Variants in ZNF215 observed in about 807,000 individuals in gnomAD.
ZNF215 encodes the protein BWSCR2-associated zinc finger protein 2.
A neutral mutation model predicts 27.2 loss-of-function variants in ZNF215; 24 were observed. The observed-to-expected ratio is 0.88, with a 90% CI of 0.64 to 1.24. The LOEUF (loss-of-function observed/expected upper bound fraction) is 1.24. ZNF215 is among the 50% of genes most tolerant of loss of function. The probability of loss-of-function intolerance (pLI) is 0.00; values close to 1 mark genes in which losing one functional copy is unlikely to be tolerated. For missense variants in ZNF215, 675 were observed against 605.7 expected, an observed-to-expected ratio of 1.11 and a Z score of -1.20; for synonymous variants, 210 against 204.0, an observed-to-expected ratio of 1.03 and a Z score of -0.25.
At position 6,956,761 on chromosome 11, in the gene ZNF215, C is replaced by T. The variant is rs1850376670; in HGVS notation, c.*230C>T. 2 of 1,320,438 alleles carry T rather than the reference C, an allele frequency of 1.5e-6. No homozygotes were observed. The highest frequency in any genetic ancestry group is 9.6e-7 in the Non-Finnish European group (1 of 1,039,928). 81.8% of individuals were successfully genotyped at this position (1,320,438 alleles called of 1,614,324 possible). ...GCCATAAGGCTTTGGAGTTAAACCA[C>T]AGTATCACCATACAAGTATTTGTTT... On this transcript the variant is annotated 3_prime_UTR_variant, in exon 7 of 7. Coordinates refer to ENST00000278319, the MANE Select transcript of ZNF215 (RefSeq NM_013250.4).
chr11:6,988,262 G>A, downstream of ZNF215: 1 of 985,532 alleles, frequency 1.0e-6, no homozygotes, highest in African/African-American at 1.7e-5. Flanking sequence ...AAGCACTGCA[G>A]GAGAAGATGG....
downstream of ZNF215, among the ~76,000 whole-genome samples, chr11:6,993,496 G>A (rs1038163490): frequency 6.6e-6 from 1 of 151,562 alleles, no homozygotes; most frequent in African/African-American, 2.4e-5. Flanking sequence ...TTTCTATTAT[G>A]GGAGATGGAA....
At chr11:6,988,724 A>C (rs1365849951), downstream of ZNF215, 1 of 152,194 alleles carries the variant, frequency 6.6e-6, no homozygotes, top group Non-Finnish European at 1.5e-5. Context: ...CAAACACAAA[A>C]TCATTAGGCT....
intron 3 of ZNF215, among the ~76,000 whole-genome samples, 160 bp downstream of exon 3, chr11:6,932,832 G>A (rs769773546): frequency 2.6e-5 from 4 of 152,198 alleles, no homozygotes; most frequent in Non-Finnish European, 5.9e-5. Flanking sequence ...AATAGAAATA[G>A]AGAATTAGAT....
intron 3 of ZNF215, among the ~76,000 whole-genome samples, chr11:6,933,809 A>G (rs1187929274): frequency 2.6e-5 from 1 of 38,038 alleles, no homozygotes; most frequent in Non-Finnish European, 5.3e-5. Flanking sequence ...AAAAAAAAAA[A>G]AAAAGCTGGT....
chr11:6,949,624 G>T (rs1019259144), intron 6 of ZNF215, among the ~76,000 whole-genome samples: 1 of 152,066 alleles, frequency 6.6e-6, no homozygotes, highest in African/African-American at 2.4e-5. Flanking sequence ...TGTAGATTCT[G>T]GATATTAGCC....
chr11:6,934,061 C>T (rs1201666126), intron 3 of ZNF215, among the ~76,000 whole-genome samples: 2 of 151,998 alleles, frequency 1.3e-5, no homozygotes, highest in South Asian at 2.1e-4. Flanking sequence ...GAGGAATTAT[C>T]GATTGGGGAC....
chr11:6,956,504 A>C lies in ZNF215; in HGVS notation c.1527A>C (p.Gln509His). Residue 509 changes from glutamine (Q) to histidine (H), a missense_variant, in exon 7 of 7, where the codon CAA becomes CAC. By Grantham distance (24) the Gln-to-His change is conservative (BLOSUM62 0). Transcript: ENST00000278319. ...FNRSSNLVKH[Q>H]KLHTRDKS ...GGAGTTCAAACCTTGTTAAACATCAAAAACTGCATACTCGAGATAAGTCCT... is the reference window on the plus strand; with the variant it reads ...GGAGTTCAAACCTTGTTAAACATCACAAACTGCATACTCGAGATAAGTCCT... The C allele has an allele frequency of 6.2e-7, 1 of 1,600,908 alleles. No individual in the cohort carries two copies. Among genetic ancestry groups the C allele is most frequent in the Non-Finnish European group, 8.5e-7 (1 of 1,175,562 alleles).
chr11:6,960,324 T>C (rs1850490480), downstream of ZNF215, among the ~76,000 whole-genome samples: 1 of 152,036 alleles, frequency 6.6e-6, no homozygotes, highest in Non-Finnish European at 1.5e-5. Flanking sequence ...ATTCAAAAAA[T>C]CACAAGACCA....
At chr11:6,976,183 C>T (rs190474382) in intron 5 of ZNF215, among the ~76,000 whole-genome samples, 1 of 152,042 alleles carries the variant, frequency 6.6e-6, no homozygotes, top group Non-Finnish European at 1.5e-5. Flanking sequence ...GAGTTTTTGA[C>T]TGGATTATTA....
chr11:6,959,776 A>G (rs1850476910), downstream of ZNF215, among the ~76,000 whole-genome samples: 1 of 152,182 alleles, frequency 6.6e-6, no homozygotes, highest in Admixed American at 6.5e-5. Flanking sequence ...GTAAGAAAAT[A>G]GCTGTGACCA....
chr11:6,985,429 C>G (rs1328821582), downstream of ZNF215, among the ~76,000 whole-genome samples: 1 of 152,102 alleles, frequency 6.6e-6, no homozygotes, highest in African/African-American at 2.4e-5. Flanking sequence ...AAACCCACAG[C>G]CAACATTGTA....
At chr11:6,982,415 C>T (rs1238736652) in intron 5 of ZNF215, among the ~76,000 whole-genome samples, 1 of 152,130 alleles carries the variant, frequency 6.6e-6, no homozygotes, top group Admixed American at 6.6e-5. Context: ...ACCTAATAGA[C>T]ATCTACAGAA....
intron 3 of ZNF215, among the ~76,000 whole-genome samples, chr11:6,937,714 A>T (rs1003170248): frequency 3.3e-5 from 5 of 151,958 alleles, no homozygotes; most frequent in African/African-American, 1.2e-4. Flanking sequence ...ATGTCCAGTT[A>T]ATTTTTGACA....
Position 6,943,088 on chromosome 11 carries a change from A to G in ZNF215, c.489A>G (p.Pro163=), listed in dbSNP as rs1342647388. The G allele has an allele frequency of 6.2e-7, 1 of 1,611,758 alleles. No homozygotes were observed. Among genetic ancestry groups the G allele is most frequent in the Non-Finnish European group, 8.5e-7 (1 of 1,179,426 alleles). ...AAAGGAACTTAATGTTTTAGGAACC[A>G]GTGACATTCAAAGATGTGGTTGTGG... is the stretch of plus-strand genomic sequence containing the variant. ...AGSRTGKPQE[P]VTFKDVVVEF... The change falls in exon 5 of 7, where the codon CCA becomes CCG. Residue 163 remains proline (P), a synonymous_variant. Coordinates refer to ENST00000278319, the MANE Select transcript of ZNF215 (RefSeq NM_013250.4).
At chr11:6,978,079 A>G (rs1343374052) in intron 5 of ZNF215, among the ~76,000 whole-genome samples, 3 of 152,082 alleles carry the variant, frequency 2.0e-5, no homozygotes, top group Admixed American at 6.6e-5. Flanking sequence ...TTTACTACTC[A>G]GAAACTGATT....
At chr11:6,950,442 C>A (rs1850008694) in intron 6 of ZNF215, among the ~76,000 whole-genome samples, 1 of 152,106 alleles carries the variant, frequency 6.6e-6, no homozygotes, top group African/African-American at 2.4e-5. Flanking sequence ...TGAAGAGGTC[C>A]TTCACGTCCC....
In ZNF215 at chr11:6,956,285, A is replaced by G. The variant is rs1447171135; in HGVS notation, c.1308A>G (p.Thr436=). 6.2e-7 allele frequency: 1 copy of G among 1,614,084 alleles called. No individual in the cohort carries two copies. Among genetic ancestry groups the G allele is most frequent in the East Asian group, 2.2e-5 (1 of 44,890 alleles). The stretch of plus-strand genomic sequence containing the variant: ...TTCATGCTGAAGCAAAGGCCTGCAC[A>G]AGCAATAAATGTGGAAAGGCCTTCA... ...QKLHAEAKAC[T]SNKCGKAFSK... Residue 436 remains threonine (T), a synonymous_variant, in exon 7 of 7, where the codon ACA becomes ACG. Coordinates refer to ENST00000278319, the MANE Select transcript of ZNF215 (RefSeq NM_013250.4).
chr11:6,941,581 C>T lies in ZNF215; in HGVS notation c.411C>T (p.Cys137=), dbSNP rs909838710. The change falls in exon 4 of 7, where the codon TGC becomes TGT. Residue 137 remains cysteine, a synonymous_variant. Transcript: ENST00000278319. ...IEMLEDEDMP[C]KDSALQMGSI... ...CTTCATCTTCCTCAGATATGCCCTG[C>T]AAGGACTCTGCCCTGCAGATGGGGA... 1 of 1,613,936 alleles carries T rather than the reference C, an allele frequency of 6.2e-7. No individual in the cohort carries two copies. The highest frequency in any genetic ancestry group is 1.7e-5 in the Admixed American group (1 of 60,018).
Sources: gnomAD v4.1 joint callset for allele counts (sites outside exome capture counted in the v4.1 genomes callset) on GRCh38, gnomAD v4.1.1 for gene constraint, MANE v1.5 for transcripts, NCBI Gene and HGNC (gene_info 2026-07-23, HGNC 2026-07-21) for gene names.